PRMT9: variants seen among roughly 807,000 people sequenced by gnomAD.
PRMT9 encodes protein arginine methyltransferase 9, also known as protein arginine N-methyltransferase 9.
PRMT9 carries 59 observed loss-of-function variants against 83.2 expected under a neutral mutation model. That is an observed-to-expected ratio of 0.71 (90% confidence interval 0.57 to 0.88). The LOEUF is 0.88. Among genes scored for constraint, PRMT9 ranks in the 40% least tolerant of loss-of-function variants. PRMT9 has a pLI of 0.00. For synonymous variants in PRMT9, 333 were observed against 353.2 expected (o/e 0.94, Z 0.64); for missense variants, 947 against 1,021.9 (o/e 0.93, Z 1.00).
chr4:147,676,363 C>T (rs1339025448), intron 2 of PRMT9, among the ~76,000 whole-genome samples: 2 of 151,886 alleles, frequency 1.3e-5, no homozygotes, highest in East Asian at 1.9e-4. Flanking sequence ...ATATAAAGAA[C>T]AAAAGAAAAC....
At chr4:147,673,256 A>T in intron 3 of PRMT9, 130 bp from the exon 4 acceptor site, 1 of 768,658 alleles carries the variant, frequency 1.3e-6, no homozygotes, top group Non-Finnish European at 2.1e-6. Flanking sequence ...CTCACTCTGC[A>T]TTAAAAAATA....
At chr4:147,652,861 C>G (rs1250288752) in intron 9 of PRMT9, among the ~76,000 whole-genome samples, 1 of 151,956 alleles carries the variant, frequency 6.6e-6, no homozygotes, top group Non-Finnish European at 1.5e-5. Context: ...TAAGTATATT[C>G]ATGTTAGTGA....
chr4:147,648,999 T>C (rs1232475763), intron 9 of PRMT9, among the ~76,000 whole-genome samples: 1 of 152,154 alleles, frequency 6.6e-6, no homozygotes, highest in East Asian at 1.9e-4. Flanking sequence ...TCCTCAGAAA[T>C]CTTTTGCAAA....
intron 9 of PRMT9, among the ~76,000 whole-genome samples, chr4:147,643,344 G>T (rs1276585066): frequency 6.6e-6 from 1 of 152,144 alleles, no homozygotes; most frequent in African/African-American, 2.4e-5. Context: ...TAAGAATCAT[G>T]ATAAATTAGT....
chr4:147,654,257 G>C lies in PRMT9; in HGVS notation c.1640C>G (p.Ser547Ter). The change falls in exon 9 of 12, where the codon TCA becomes TGA. Residue 547 changes from serine (S) to a stop codon, truncating the protein, a stop_gained. Coordinates refer to ENST00000322396, the MANE Select transcript of PRMT9 (RefSeq NM_138364.4). LOFTEE classifies it high-confidence loss of function. ...FKMAMSKVLS[S>*]LTPEKLYQTM... ...CTGATACAGTTTCTCTGGAGTCAGT[G>C]AAGACAAAACTTTGCTCATTGCCAT... 1.2e-6 allele frequency: 2 copies of C among 1,614,196 alleles called. No individual in the cohort carries two copies. The highest frequency in any genetic ancestry group is 8.5e-7 in the Non-Finnish European group (1 of 1,180,036).
rs145678090 is a variant in PRMT9 at position 147,663,968 on chromosome 4, C to T, written c.954-2930G>A. Reference sequence around the variant, plus strand: ...TTCTCTTAATCACAGCAATCAAATTCAGTATTATCTAACCTACAGTTCATA... The same window carrying T: ...TTCTCTTAATCACAGCAATCAAATTTAGTATTATCTAACCTACAGTTCATA... On this transcript the variant is annotated intron_variant, in intron 6 of 11. Coordinates refer to ENST00000322396, the MANE Select transcript of PRMT9 (RefSeq NM_138364.4). Among the ~76,000 whole-genome samples the T allele has an allele frequency of 2.0e-3, 302 of 152,192 alleles. 1 individual carries two copies. The highest frequency in any genetic ancestry group is 6.9e-3 in the African/African-American group (288 of 41,526).
chr4:147,643,027 A>G (rs553860562), intron 9 of PRMT9, 87 bp from the exon 10 acceptor site: 1 of 1,184,770 alleles, frequency 8.4e-7, no homozygotes, highest in South Asian at 1.2e-5. Context: ...TGGGAGGCCA[A>G]GGTGGGTGGA....
intron 3 of PRMT9, 98 bp from the exon 4 acceptor site, chr4:147,673,224 T>G: frequency 9.1e-7 from 1 of 1,093,424 alleles, no homozygotes; most frequent in Non-Finnish European, 1.4e-6. Context: ...GTTTTTCCTT[T>G]TATTCTTTAA....
At chr4:147,655,105 G>T (rs1734395300) in intron 8 of PRMT9, among the ~76,000 whole-genome samples, 1 of 152,150 alleles carries the variant, frequency 6.6e-6, no homozygotes, top group Non-Finnish European at 1.5e-5. Flanking sequence ...AAAGTATAAG[G>T]AAGAACCAAG....
Position 147,684,046 on chromosome 4 carries a change from C to T in PRMT9, c.-59G>A. On this transcript the variant is annotated 5_prime_UTR_variant, in exon 1 of 12. Transcript: ENST00000322396. ...ATTTTGTAAACGTAATTAGAAAACT[C>T]TCTCGATGCTACACTTCCAGGGACC... 1 of 1,524,656 alleles carries T rather than the reference C, an allele frequency of 6.6e-7. No individual in the cohort carries two copies. The highest frequency in any genetic ancestry group is 9.0e-7 in the Non-Finnish European group (1 of 1,115,406). 94.4% of individuals were successfully genotyped at this position (1,524,656 alleles called of 1,614,324 possible).
At chr4:147,652,413 C>T (rs1734167687) in intron 9 of PRMT9, among the ~76,000 whole-genome samples, 1 of 151,852 alleles carries the variant, frequency 6.6e-6, no homozygotes, top group Non-Finnish European at 1.5e-5. Context: ...GATCACGCCG[C>T]TGCACTCCAG....
At chr4:147,656,062 G>A (rs915369743) in intron 8 of PRMT9, among the ~76,000 whole-genome samples, 4 of 152,092 alleles carry the variant, frequency 2.6e-5, no homozygotes, top group African/African-American at 4.8e-5. Flanking sequence ...TTTTATATAT[G>A]ATACAACAAA....
Position 147,637,824 on chromosome 4 carries a change from T to G in PRMT9, c.*708A>C, listed in dbSNP as rs1197424238. ...ATGATCTTCCTTTATTTCAAAAGTT[T>G]GTAAAAATTGGATCAATTAATGTAC... On this transcript the variant is annotated 3_prime_UTR_variant, in exon 12 of 12. Transcript: ENST00000322396. 1 of 152,170 alleles carries G rather than the reference T, an allele frequency of 6.6e-6. No individual in the cohort carries two copies. Among genetic ancestry groups the G allele is most frequent in the Non-Finnish European group, 1.5e-5 (1 of 68,090 alleles). The allele number at this position is 152,170 out of a possible 1,614,324, so 9.4% of individuals were successfully genotyped here. A position where few individuals can be genotyped will look rare whatever the true frequency, so the allele number is the denominator to read the frequency against.
intron 9 of PRMT9, 56 bp downstream of exon 9, chr4:147,653,796 A>C: frequency 2.4e-6 from 3 of 1,250,050 alleles, no homozygotes; most frequent in Non-Finnish European, 3.5e-6. Context: ...AGGAATTTAC[A>C]TAAAATCTGA....
intron 6 of PRMT9, among the ~76,000 whole-genome samples, chr4:147,668,200 C>T (rs956288785): frequency 1.3e-5 from 2 of 152,198 alleles, no homozygotes; most frequent in South Asian, 4.1e-4. Context: ...GTAATCCCCA[C>T]AAGTTGAGGG....
intron 9 of PRMT9, among the ~76,000 whole-genome samples, chr4:147,652,601 A>C (rs1021036979): frequency 6.6e-6 from 1 of 151,866 alleles, no homozygotes; most frequent in Non-Finnish European, 1.5e-5. Flanking sequence ...TGGAAAAATC[A>C]CTTGAGCCCA....
intron 2 of PRMT9, 71 bp downstream of exon 2, chr4:147,680,252 C>T (rs1386343843): frequency 7.9e-6 from 11 of 1,390,848 alleles, no homozygotes; most frequent in Non-Finnish European, 1.0e-5. Flanking sequence ...GTTAAAATTA[C>T]AGTATGATTT....
chr4:147,654,526 T>C lies in PRMT9; in HGVS notation c.1371A>G (p.Val457=), dbSNP rs1012343545. 1.9e-6 allele frequency: 3 copies of C among 1,613,718 alleles called. No individual in the cohort carries two copies. The highest frequency in any genetic ancestry group is 2.2e-5 in the East Asian group (1 of 44,868). The stretch of plus-strand genomic sequence containing the variant: ...TTCTTAAGTAACAGTCTTGACAAGA[T>C]ACTTCCATCATCACATGGTCTCCAG... ...IKPGDHVMME[V]SCQDCYLRIQ... is the part of the protein sequence containing the mutation. Residue 457 remains valine, a synonymous_variant, in exon 9 of 12, where the codon GTA becomes GTG. Transcript: ENST00000322396.
In PRMT9 at chr4:147,673,786, G is replaced by A. The variant is rs780352769; in HGVS notation, c.427C>T (p.Arg143Cys). Residue 143 changes from arginine (R) to cysteine (C), a missense_variant, in exon 3 of 12, where the codon CGT becomes TGT. Physicochemically the swap from Arg to Cys is radical, Grantham distance 180 (BLOSUM62 -3). Transcript: ENST00000322396. ...CGTTCCACCAACCAGTTTGCAACAC[G>A]ATAAAAATTCTCCTTTGCATCACTG... The part of the protein sequence containing the change: ...DFSDAKENFY[R>C]VANWLVERWH... The A allele has an allele frequency of 1.2e-5, 20 of 1,613,882 alleles. No individual in the cohort carries two copies. Among genetic ancestry groups the A allele is most frequent in the African/African-American group, 6.7e-5 (5 of 74,902 alleles).
Sources: gnomAD v4.1 joint callset for allele counts (sites outside exome capture counted in the v4.1 genomes callset) on GRCh38, gnomAD v4.1.1 for gene constraint, MANE v1.5 for transcripts, NCBI Gene and HGNC (gene_info 2026-07-23, HGNC 2026-07-21) for gene names.